The following ZHX2 variants were observed in gnomAD, a reference collection of about 807,000 sequenced individuals.
The protein encoded by ZHX2 is zinc fingers and homeoboxes protein 2.
ZHX2 carries 6 observed loss-of-function variants against 21.9 expected under a neutral mutation model. The ratio of observed to expected loss-of-function variants is 0.27; its 90% CI spans 0.15 to 0.54. ZHX2 has a LOEUF of 0.54. Among genes scored for constraint, ZHX2 ranks in the 20% least tolerant of loss-of-function variants. ZHX2 has a pLI of 0.95. For synonymous variants in ZHX2, 434 were observed against 437.1 expected, an observed-to-expected ratio of 0.99 and a Z score of 0.09; for missense variants, 908 against 1,090.7, an observed-to-expected ratio of 0.83 and a Z score of 2.36.
chr8:122,818,526 C>T (rs577268064), intron 1 of ZHX2, among the ~76,000 whole-genome samples: 1 of 152,226 alleles, frequency 6.6e-6, no homozygotes, highest in Non-Finnish European at 1.5e-5. Context: ...TCAGATTAGG[C>T]TCTGTCTGTG....
At chr8:122,796,085 C>T (rs997098206) in intron 1 of ZHX2, among the ~76,000 whole-genome samples, 1 of 151,420 alleles carries the variant, frequency 6.6e-6, no homozygotes, top group Non-Finnish European at 1.5e-5. Flanking sequence ...GCAGGAGAAT[C>T]GCTTGAACCC....
intron 2 of ZHX2, among the ~76,000 whole-genome samples, chr8:122,880,526 A>T (rs567824926): frequency 4.6e-4 from 70 of 152,116 alleles, no homozygotes; most frequent in African/African-American, 1.5e-3. Context: ...TGTAATCCCA[A>T]CACTTCAGGA....
Position 122,900,879 on chromosome 8 carries a change from C to T in ZHX2, c.-220+37340C>T, listed in dbSNP as rs539610138. Among the ~76,000 whole-genome samples, 8 of 152,304 alleles carry T rather than the reference C, an allele frequency of 5.3e-5. No individual in the cohort carries two copies. The East Asian group carries it at 1.5e-3, about 29-fold the overall frequency. On this transcript the variant is annotated intron_variant, in intron 2 of 3. Transcript: ENST00000314393. Reference sequence around the variant, plus strand: ...TCTGCCTTACAGAGCTTGCACTTACCATTAGTAGCACTCTCCTGGCACACT... The same window carrying T: ...TCTGCCTTACAGAGCTTGCACTTACTATTAGTAGCACTCTCCTGGCACACT...
chr8:122,879,010 C>T (rs1228227718), intron 2 of ZHX2, among the ~76,000 whole-genome samples: 1 of 152,124 alleles, frequency 6.6e-6, no homozygotes, highest in Non-Finnish European at 1.5e-5. Context: ...GGACCTACTG[C>T]ACTCTTCGTA....
At chr8:122,881,665 GACA>G (rs1188685903) in intron 2 of ZHX2, among the ~76,000 whole-genome samples, 1 of 152,196 alleles carries the variant, frequency 6.6e-6, no homozygotes, top group Non-Finnish European at 1.5e-5. Flanking sequence ...ATCTCATGAT[GACA>G]ACATTTACGG....
chr8:122,896,170 T>C (rs1258037135), intron 2 of ZHX2, among the ~76,000 whole-genome samples: 1 of 151,430 alleles, frequency 6.6e-6, no homozygotes, highest in Non-Finnish European at 1.5e-5. Context: ...GTCCCATTGC[T>C]CTTCTGTTCT....
chr8:122,804,469 G>A (rs909640432), intron 1 of ZHX2, among the ~76,000 whole-genome samples: 1 of 152,186 alleles, frequency 6.6e-6, no homozygotes, highest in Non-Finnish European at 1.5e-5. Context: ...TGCCTGGTGT[G>A]GTGCTGAATG....
At chr8:122,948,036 G>C (rs984086723) in intron 2 of ZHX2, among the ~76,000 whole-genome samples, 4 of 152,138 alleles carry the variant, frequency 2.6e-5, no homozygotes, top group Admixed American at 1.3e-4. Flanking sequence ...TGATGAATTT[G>C]ACCAGCCTAC....
chr8:122,898,640 C>T (rs1357348629), intron 2 of ZHX2, among the ~76,000 whole-genome samples: 3 of 152,210 alleles, frequency 2.0e-5, no homozygotes, highest in Admixed American at 2.0e-4. Context: ...TAATATGTCT[C>T]GGCCACAGAA....
At chr8:122,798,048 C>T (rs1817646504) in intron 1 of ZHX2, among the ~76,000 whole-genome samples, 1 of 152,184 alleles carries the variant, frequency 6.6e-6, no homozygotes. Flanking sequence ...GAAAAGGAAA[C>T]TGAGGCTCAG....
intron 2 of ZHX2, among the ~76,000 whole-genome samples, chr8:122,909,564 A>G (rs929582537): frequency 2.6e-5 from 4 of 151,746 alleles, no homozygotes; most frequent in African/African-American, 9.7e-5. Flanking sequence ...ACTCTTATTC[A>G]CTCGCCTTGG....
chr8:122,891,707 T>C (rs1381782787), intron 2 of ZHX2, among the ~76,000 whole-genome samples: 1 of 152,210 alleles, frequency 6.6e-6, no homozygotes, highest in Admixed American at 6.5e-5. Context: ...GAACATGTAG[T>C]TTAATTTCCA....
At chr8:122,888,655 G>A (rs891163751) in intron 2 of ZHX2, among the ~76,000 whole-genome samples, 1 of 152,092 alleles carries the variant, frequency 6.6e-6, no homozygotes, top group South Asian at 2.1e-4. Flanking sequence ...GCTAATTTTT[G>A]TATTCTTAAT....
intron 2 of ZHX2, among the ~76,000 whole-genome samples, chr8:122,870,057 G>A (rs1586345100): frequency 6.6e-6 from 1 of 152,306 alleles, no homozygotes; most frequent in Non-Finnish European, 1.5e-5. Flanking sequence ...TGTGGGTTCA[G>A]GGAGGCTTTC....
intron 1 of ZHX2, among the ~76,000 whole-genome samples, chr8:122,827,238 A>G (rs779922464): frequency 1.3e-5 from 2 of 152,072 alleles, no homozygotes; most frequent in South Asian, 2.1e-4. Context: ...GGGTTTCGCC[A>G]TGTTGTGCAG....
intron 1 of ZHX2, among the ~76,000 whole-genome samples, chr8:122,792,546 A>C (rs1416466457): frequency 6.6e-6 from 1 of 152,214 alleles, no homozygotes; most frequent in East Asian, 1.9e-4. Flanking sequence ...AGAAACTGCC[A>C]AACAGTTCCC....
chr8:122,836,809 C>T (rs1818510643), intron 1 of ZHX2, among the ~76,000 whole-genome samples: 1 of 152,236 alleles, frequency 6.6e-6, no homozygotes, highest in Admixed American at 6.5e-5. Flanking sequence ...GGTACTGGGC[C>T]TGAGAAGGGA....
chr8:122,956,349 C>G (rs761530382), intron 3 of ZHX2, among the ~76,000 whole-genome samples: 2 of 152,140 alleles, frequency 1.3e-5, no homozygotes, highest in East Asian at 3.8e-4. Flanking sequence ...CTGTGGAGCT[C>G]GGGCAGGCCA....
chr8:122,922,276 A>G (rs1184915647), intron 2 of ZHX2, among the ~76,000 whole-genome samples: 2 of 79,438 alleles, frequency 2.5e-5, no homozygotes, highest in Admixed American at 1.3e-4. Flanking sequence ...TGAGTTCATG[A>G]AAAAAAAAAA....
Sources: allele counts gnomAD v4.1 joint callset (sites outside exome capture counted in the v4.1 genomes callset), GRCh38; gene constraint gnomAD v4.1.1; transcripts MANE v1.5; gene names NCBI Gene and HGNC (gene_info 2026-07-23, HGNC 2026-07-21).